ZSCAN30: variants seen among roughly 807,000 people sequenced by gnomAD.
The protein encoded by ZSCAN30 is zinc finger and SCAN domain containing 30.
Under a neutral mutation model 44.3 loss-of-function variants are expected in ZSCAN30, and 37 were observed. That is an observed-to-expected ratio of 0.84 (90% CI 0.64 to 1.10). ZSCAN30 has a LOEUF of 1.10. ZSCAN30 is among the 50% of genes least tolerant of loss of function. ZSCAN30 has a pLI of 0.00. For missense variants in ZSCAN30, 549 were observed against 582.6 expected (o/e 0.94, Z 0.59); for synonymous variants, 181 against 204.6 (o/e 0.88, Z 0.98).
chr18:35,280,602 G>A (rs1378741862), intron 1 of ZSCAN30, among the ~76,000 whole-genome samples: 3 of 152,168 alleles, frequency 2.0e-5, no homozygotes, highest in Non-Finnish European at 4.4e-5. Context: ...GTGAACCTTG[G>A]GAACTGTGAT....
chr18:35,281,922 A>C (rs2044463014), intron 1 of ZSCAN30: 1 of 150,244 alleles, frequency 6.7e-6, no homozygotes, highest in Non-Finnish European at 1.5e-5. Flanking sequence ...AAAACCCTGC[A>C]TGCTTGTGTA....
Position 35,253,143 on chromosome 18 carries a change from A to G in ZSCAN30, c.*307T>C, listed in dbSNP as rs539985649. On this transcript the variant is annotated 3_prime_UTR_variant, in exon 4 of 4. Transcript: ENST00000333206. The stretch of plus-strand genomic sequence containing the variant: ...CCTGGCATTACTGTGAAGGTGCCCA[A>G]TGGAAATTATATCTGAGTTGGCAGA... 4 of 225,424 alleles carry G rather than the reference A, an allele frequency of 1.8e-5. No individual in the cohort carries two copies. Among genetic ancestry groups the G allele is most frequent in the East Asian group, 1.9e-4 (2 of 10,808 alleles). 14.0% of individuals were successfully genotyped at this position (225,424 alleles called of 1,614,324 possible). A position where few individuals can be genotyped will look rare whatever the true frequency, so the allele number is the denominator to read the frequency against.
Position 35,254,134 on chromosome 18 carries a change from G to T in ZSCAN30, c.801C>A (p.Pro267=), listed in dbSNP as rs1383339672. The change falls in exon 4 of 4, where the codon CCC becomes CCA. Residue 267 remains proline (P), a synonymous_variant. Coordinates refer to ENST00000333206, the MANE Select transcript of ZSCAN30 (RefSeq NM_001112734.4). The part of the protein sequence containing the change: ...FSLATFNRRI[P]TEHSVLESHE... ...GAGATTCAAGGACACTGTGTTCTGT[G>T]GGGATTCTTCTGTTGAAGGTTGCCA... is the stretch of plus-strand genomic sequence containing the variant. The T allele has an allele frequency of 6.2e-7, 1 of 1,614,140 alleles. No individual in the cohort carries two copies. Among genetic ancestry groups the T allele is most frequent in the Admixed American group, 1.7e-5 (1 of 60,016 alleles).
rs761007114 is a variant in ZSCAN30, at chr18:35,264,207, T to C, written c.146A>G (p.Gln49Arg). 2 of 1,614,212 alleles carry C rather than the reference T, an allele frequency of 1.2e-6. No individual in the cohort carries two copies. The highest frequency in any genetic ancestry group is 2.2e-5 in the South Asian group (2 of 91,082). The change falls in exon 2 of 4, where the codon CAG becomes CGG. Residue 49 changes from glutamine to arginine, a missense_variant. Gln to Arg is a conservative substitution (Grantham distance 43, BLOSUM62 1). Coordinates refer to ENST00000333206, the MANE Select transcript of ZSCAN30 (RefSeq NM_001112734.4). ...AGAGTAACTAAACTGCCTGAACTTCTGCCGGAATACCTCTTGGCTCCAGGG... is the reference window on the plus strand; with the variant it reads ...AGAGTAACTAAACTGCCTGAACTTCCGCCGGAATACCTCTTGGCTCCAGGG... The part of the protein sequence containing the change: ...ENPWSQEVFR[Q>R]KFRQFSYSDS...
At chr18:35,272,428 A>G (rs1598641566) in intron 1 of ZSCAN30, among the ~76,000 whole-genome samples, 1 of 151,254 alleles carries the variant, frequency 6.6e-6, no homozygotes, top group Admixed American at 6.6e-5. Flanking sequence ...GCTCACTGCA[A>G]CCTCAGCCTC....
chr18:35,253,387 T>A lies in ZSCAN30; in HGVS notation c.*63A>T. ...GCTCTCAGGAAACTTTTCTTTTCTG[T>A]GGAGTCTCACCCCTACAGTGAACTC... On this transcript the variant is annotated 3_prime_UTR_variant, in exon 4 of 4. Coordinates refer to ENST00000333206, the MANE Select transcript of ZSCAN30 (RefSeq NM_001112734.4). The A allele has an allele frequency of 7.1e-7, 1 of 1,406,374 alleles. No homozygotes were observed. The highest frequency in any genetic ancestry group is 9.6e-7 in the Non-Finnish European group (1 of 1,041,862). 87.1% of individuals were successfully genotyped at this position (1,406,374 alleles called of 1,614,324 possible).
At chr18:35,289,596 C>T (rs2044617586) in intron 1 of ZSCAN30, 1 of 152,168 alleles carries the variant, frequency 6.6e-6, no homozygotes, top group Admixed American at 6.5e-5. Flanking sequence ...CAGCAATATC[C>T]TTTCCTACCC....
At chr18:35,263,487 A>C in intron 3 of ZSCAN30, 26 bp downstream of exon 3, 1 of 1,613,428 alleles carries the variant, frequency 6.2e-7, no homozygotes, top group Non-Finnish European at 8.5e-7. Context: ...TCCATCCTCA[A>C]CCCCACATGG....
At chr18:35,255,095 A>G (rs1006976698) in intron 3 of ZSCAN30, 1 of 151,964 alleles carries the variant, frequency 6.6e-6, no homozygotes, top group Non-Finnish European at 1.5e-5. Context: ...TTTAAAATGT[A>G]TAAGTATCAA....
chr18:35,281,530 C>T (rs77617978), intron 1 of ZSCAN30: 1 of 152,302 alleles, frequency 6.6e-6, no homozygotes, highest in East Asian at 1.9e-4. Flanking sequence ...TAACAAAACA[C>T]TTTACCTTTG....
At chr18:35,286,335 C>T (rs957888505) in intron 1 of ZSCAN30, among the ~76,000 whole-genome samples, 3 of 152,032 alleles carry the variant, frequency 2.0e-5, no homozygotes, top group African/African-American at 7.2e-5. Flanking sequence ...TTCTTTGAGG[C>T]CCACGTTACC....
At chr18:35,269,476 A>AG (rs929770726) in intron 1 of ZSCAN30, 7 of 151,814 alleles carry the variant, frequency 4.6e-5, no homozygotes, top group Admixed American at 2.6e-4. Context: ...ACCAAAAAAA[A>AG]AAAAAAAGCT....
Position 35,271,878 on chromosome 18 carries a change from C to G in ZSCAN30, c.-103-7423G>C, listed in dbSNP as rs112117068. On this transcript the variant is annotated intron_variant, in intron 1 of 3. Coordinates refer to ENST00000333206, the MANE Select transcript of ZSCAN30 (RefSeq NM_001112734.4). ...GTGGGACCCCGCGCCCCCTCCGCAG[C>G]TGCTGGCCCGGGTGCTAAGCCCCTT... 2.5e-3 allele frequency among the ~76,000 whole-genome samples: 385 copies of G among 152,320 alleles called. 1 individual carries two copies. Among genetic ancestry groups the G allele is most frequent in the African/African-American group, 8.2e-3 (340 of 41,588 alleles).
At chr18:35,284,049 C>T (rs1392799586) in intron 1 of ZSCAN30, 1 of 152,720 alleles carries the variant, frequency 6.5e-6, no homozygotes, top group Non-Finnish European at 1.5e-5. Flanking sequence ...GTCCCATCAT[C>T]GCTGCAGCTG....
At chr18:35,275,853 C>T (rs1223474273) in intron 1 of ZSCAN30, among the ~76,000 whole-genome samples, 1 of 152,146 alleles carries the variant, frequency 6.6e-6, no homozygotes, top group East Asian at 1.9e-4. Context: ...CCAGATATCC[C>T]ATTTTTTTCT....
At position 35,253,347 on chromosome 18, in the gene ZSCAN30, A is replaced by G. The variant is rs2043662182; in HGVS notation, c.*103T>C. 3 of 875,790 alleles carry G rather than the reference A, an allele frequency of 3.4e-6. No homozygotes were observed. The allele number at this position is 875,790 out of a possible 1,614,324, so 54.3% of individuals were successfully genotyped here. A position where few individuals can be genotyped will look rare whatever the true frequency, so the allele number is the denominator to read the frequency against. Reference sequence around the variant, plus strand: ...TTCTTATAGTACCGAACTGGGAGGGAAGGACAGAAGTTCTGCTCTCAGGAA... The same window carrying G: ...TTCTTATAGTACCGAACTGGGAGGGGAGGACAGAAGTTCTGCTCTCAGGAA... On this transcript the variant is annotated 3_prime_UTR_variant, in exon 4 of 4. Transcript: ENST00000333206.
rs865942333 is a variant in ZSCAN30, at chr18:35,253,553, C to A, written c.1382G>T (p.Arg461Ile). ...ATAAGGCTTCTCTCCAGTGTGAATT[C>A]TCTGGTGCTGGGTGAGGGCTGAGCT... ...NQSSALTQHQ[R>I]IHTGEKPYEC... The change falls in exon 4 of 4, where the codon AGA becomes ATA. Residue 461 changes from arginine (R) to isoleucine (I), a missense_variant. Coordinates refer to ENST00000333206, the MANE Select transcript of ZSCAN30 (RefSeq NM_001112734.4). 1 of 1,613,974 alleles carries A rather than the reference C, an allele frequency of 6.2e-7. No homozygotes were observed. Among genetic ancestry groups the A allele is most frequent in the Non-Finnish European group, 8.5e-7 (1 of 1,179,922 alleles).
At chr18:35,270,445 A>G (rs959910199) in intron 1 of ZSCAN30, among the ~76,000 whole-genome samples, 1 of 152,138 alleles carries the variant, frequency 6.6e-6, no homozygotes, top group Non-Finnish European at 1.5e-5. Context: ...TCTCATTTGC[A>G]TATTTTACCA....
intron 1 of ZSCAN30, among the ~76,000 whole-genome samples, chr18:35,287,294 T>G (rs1034811540): frequency 6.6e-6 from 1 of 152,154 alleles, no homozygotes; most frequent in East Asian, 1.9e-4. Context: ...GATAGCTTCT[T>G]TGTAGAAGTT....
Sources: allele counts gnomAD v4.1 joint callset (sites outside exome capture counted in the v4.1 genomes callset), GRCh38; gene constraint gnomAD v4.1.1; transcripts MANE v1.5; gene names NCBI Gene and HGNC (gene_info 2026-07-23, HGNC 2026-07-21).